Variants in PDIA3 observed in about 807,000 individuals in gnomAD.
The protein encoded by PDIA3 is protein disulfide isomerase family A member 3, also known as protein disulfide-isomerase A3.
PDIA3 carries 16 observed loss-of-function variants against 56.9 expected under a neutral mutation model. That is an observed-to-expected ratio of 0.28 (90% CI 0.19 to 0.43). The LOEUF is 0.43. PDIA3 is among the 20% of genes least tolerant of loss of function. The pLI, the probability that PDIA3 is intolerant of heterozygous loss-of-function variation, is 1.00. For missense variants in PDIA3, 485 were observed against 621.3 expected, an observed-to-expected ratio of 0.78 and a Z score of 2.33; for synonymous variants, 192 against 216.5, an observed-to-expected ratio of 0.89 and a Z score of 0.99.
intron 2 of PDIA3, 31 bp downstream of exon 2, chr15:43,753,933 C>A (rs200567293): frequency 6.9e-7 from 1 of 1,441,562 alleles, no homozygotes; most frequent in Non-Finnish European, 9.8e-7. Context: ...CACTAAAGGA[C>A]GTGAAGTATT....
Position 43,765,995 on chromosome 15 carries a change from C to T in PDIA3, c.828C>T (p.Ser276=). The T allele has an allele frequency of 6.2e-7, 1 of 1,613,416 alleles. No homozygotes were observed. The highest frequency in any genetic ancestry group is 1.1e-5 in the South Asian group (1 of 91,018). ...DVDYEKNAKG[S]NYWRNRVMMV... ...ACTATGAAAAGAACGCTAAAGGTTC[C>T]AACTACTGGAGAAACAGGTAATAAG... The change falls in exon 7 of 13, where the codon TCC becomes TCT. Residue 276 remains serine (S), a synonymous_variant. Transcript: ENST00000300289.
intron 2 of PDIA3, among the ~76,000 whole-genome samples, chr15:43,754,493 A>T (rs1342482179): frequency 3.3e-5 from 5 of 151,912 alleles, no homozygotes; most frequent in Admixed American, 3.3e-4. Flanking sequence ...CTGTAATTCC[A>T]GCACTTTGGG....
intron 1 of PDIA3, among the ~76,000 whole-genome samples, chr15:43,750,741 C>G (rs1047786680): frequency 4.6e-5 from 7 of 151,586 alleles, no homozygotes; most frequent in Non-Finnish European, 7.4e-5. Context: ...CGCCACTGCA[C>G]TCCAGCCTGG....
chr15:43,762,296 G>A (rs2086821159), intron 4 of PDIA3, among the ~76,000 whole-genome samples: 1 of 152,028 alleles, frequency 6.6e-6, no homozygotes. Flanking sequence ...CGGATCACCT[G>A]AGGTCGGGAG....
At position 43,771,952 on chromosome 15, in the gene PDIA3, C is replaced by T. The variant is rs2086884468; in HGVS notation, c.*734C>T. ...CTGAGCTTACTGCATGTTTATATCTCCCAAGGACTGTTCTCTGCTCAGAAA... is the reference window on the plus strand; with the variant it reads ...CTGAGCTTACTGCATGTTTATATCTTCCAAGGACTGTTCTCTGCTCAGAAA... On this transcript the variant is annotated 3_prime_UTR_variant, in exon 13 of 13. Transcript: ENST00000300289. 4.4e-6 allele frequency: 1 copy of T among 228,962 alleles called. No homozygotes were observed. The highest frequency in any genetic ancestry group is 8.4e-6 in the Non-Finnish European group (1 of 118,950). 14.2% of individuals were successfully genotyped at this position (228,962 alleles called of 1,614,324 possible). A position where few individuals can be genotyped will look rare whatever the true frequency, so the allele number is the denominator to read the frequency against.
In PDIA3 at chr15:43,756,874, T is replaced by G. The variant is rs1596020454; in HGVS notation, c.364+108T>G. ...CACAGTATACTTTCAGTCTTAAAAC[T>G]TCCTCATCTAAGAGGTCAGTTTGGT... On this transcript the variant is annotated intron_variant, in intron 3 of 12. Coordinates refer to ENST00000300289, the MANE Select transcript of PDIA3 (RefSeq NM_005313.5). 4 of 619,816 alleles carry G rather than the reference T, an allele frequency of 6.5e-6. No homozygotes were observed. In the East Asian group the frequency reaches 1.1e-4, roughly 17 times the overall value. The allele number at this position is 619,816 out of a possible 1,614,324, so 38.4% of individuals were successfully genotyped here.
Position 43,756,631 on chromosome 15 carries a change from G to GTGTATTT in PDIA3, c.247-15_247-9dup. On this transcript the variant is annotated splice_polypyrimidine_tract_variant and intron_variant, in intron 2 of 12. Transcript: ENST00000300289. ...AGAAACTTGGATAAGAAAATAGTTT[G>GTGTATTT]TGTATTTTGATCTTTAGGTTGATTG... 7.5e-7 allele frequency: 1 copy of GTGTATTT among 1,337,514 alleles called. No individual in the cohort carries two copies. Among genetic ancestry groups the GTGTATTT allele is most frequent in the Non-Finnish European group, 1.1e-6 (1 of 929,938 alleles). 82.9% of individuals were successfully genotyped at this position (1,337,514 alleles called of 1,614,324 possible). A position where few individuals can be genotyped will look rare whatever the true frequency, so the allele number is the denominator to read the frequency against.
intron 1 of PDIA3, among the ~76,000 whole-genome samples, chr15:43,749,897 A>C (rs1487351321): frequency 6.6e-6 from 1 of 152,088 alleles, no homozygotes; most frequent in Non-Finnish European, 1.5e-5. Flanking sequence ...CAGGAAGCTG[A>C]GATTGCACCA....
chr15:43,750,060 A>AGCTTGCTTT (rs112851722), intron 1 of PDIA3, among the ~76,000 whole-genome samples: 114,794 of 144,504 alleles, frequency 0.79, 46,036 homozygotes, highest in East Asian at 0.98. Flanking sequence ...GAAAGGTGAA[A>AGCTTGCTTT]GCTTGCTTTG....
chr15:43,771,057 A>G (rs1357645759), intron 12 of PDIA3, 48 bp from the exon 13 acceptor site: 1 of 1,273,726 alleles, frequency 7.9e-7, no homozygotes. Flanking sequence ...GGGGCAGATC[A>G]GGGTTCTTTA....
chr15:43,748,334 C>T (rs28502289), intron 1 of PDIA3, among the ~76,000 whole-genome samples: 24,505 of 151,886 alleles, frequency 0.16, 2,589 homozygotes, highest in African/African-American at 0.29. Flanking sequence ...CGAAATTAGC[C>T]GGGCATAGTG....
chr15:43,763,276 A>C, intron 5 of PDIA3, 70 bp downstream of exon 5: 1 of 1,532,508 alleles, frequency 6.5e-7, no homozygotes, highest in East Asian at 2.3e-5. Context: ...TGACTGGGAC[A>C]AGGTTTCACT....
intron 5 of PDIA3, among the ~76,000 whole-genome samples, chr15:43,764,497 C>T (rs1043548920): frequency 7.9e-5 from 12 of 152,206 alleles, no homozygotes; most frequent in East Asian, 5.8e-4. Context: ...GACAGAGTCT[C>T]GCCCTTGTTG....
At position 43,746,701 on chromosome 15, in the gene PDIA3, C is replaced by T. The variant is rs2411284; in HGVS notation, c.162C>T (p.Ala54=). The change falls in exon 1 of 13, where the codon GCC becomes GCT. Residue 54 remains alanine (A), a synonymous_variant. Transcript: ENST00000300289. ...SAGLMLVEFF[A]PWCGHCKRLA... Reference sequence around the variant, plus strand: ...GCCTCATGCTCGTCGAGTTCTTCGCCCCCTGGTGAGTCCATTCTGCCGAGG... The same window carrying T: ...GCCTCATGCTCGTCGAGTTCTTCGCTCCCTGGTGAGTCCATTCTGCCGAGG... 1,121,137 of 1,612,294 alleles carry T rather than the reference C, an allele frequency of 0.7. 398,635 individuals carry two copies. Among genetic ancestry groups the T allele is most frequent in the Non-Finnish European group, 0.72 (854,978 of 1,179,452 alleles).
Position 43,773,202 on chromosome 15 carries a change from TTTC to T in PDIA3, c.*1989_*1991del. ...TGGTGAAGGTACTCACAGCGACGCT[TTTC>T]TTCTCTGTAACTTGGGTACTGCTGC... On this transcript the variant is annotated 3_prime_UTR_variant, in exon 13 of 13. Coordinates refer to ENST00000300289, the MANE Select transcript of PDIA3 (RefSeq NM_005313.5). The T allele has an allele frequency of 6.2e-7, 1 of 1,613,958 alleles. No individual in the cohort carries two copies. Among genetic ancestry groups the T allele is most frequent in the Admixed American group, 1.7e-5 (1 of 59,936 alleles).
At position 43,746,958 on chromosome 15, in the gene PDIA3, C is replaced by A. The variant is rs2086711028; in HGVS notation, c.167+252C>A. ...CATCCTTATCTCGGTGCTCTTGTGG[C>A]ACTTCCTATTTGCAGAGGGTTTTGC... On this transcript the variant is annotated intron_variant, in intron 1 of 12. Transcript: ENST00000300289. 5 of 559,624 alleles carry A rather than the reference C, an allele frequency of 8.9e-6. No individual in the cohort carries two copies. In the South Asian group the frequency reaches 1.1e-4, roughly 12 times the overall value. The allele number at this position is 559,624 out of a possible 1,614,324, so 34.7% of individuals were successfully genotyped here. A position where few individuals can be genotyped will look rare whatever the true frequency, so the allele number is the denominator to read the frequency against.
In PDIA3 at chr15:43,772,995, T is replaced by G. The variant is rs1459616354; in HGVS notation, c.*1777T>G. The stretch of plus-strand genomic sequence containing the variant: ...CAAGAACCTAGAGCAGCTCTCTACT[T>G]GCCACCATGGACTCCAGTGGTCAGC... On this transcript the variant is annotated 3_prime_UTR_variant, in exon 13 of 13. Transcript: ENST00000300289. 1 of 941,102 alleles carries G rather than the reference T, an allele frequency of 1.1e-6. No individual in the cohort carries two copies. The highest frequency in any genetic ancestry group is 1.6e-6 in the Non-Finnish European group (1 of 620,088). 58.3% of individuals were successfully genotyped at this position (941,102 alleles called of 1,614,324 possible).
chr15:43,762,934 G>T, intron 4 of PDIA3, 143 bp from the exon 5 acceptor site: 1 of 683,956 alleles, frequency 1.5e-6, no homozygotes, highest in Non-Finnish European at 2.4e-6. Context: ...TATTGTGCCT[G>T]TCTGAGGTAG....
rs761395750 is a variant in PDIA3, at chr15:43,766,837, A to G, written c.955A>G (p.Thr319Ala). 3 of 1,613,780 alleles carry G rather than the reference A, an allele frequency of 1.9e-6. No homozygotes were observed. The highest frequency in any genetic ancestry group is 1.1e-5 in the South Asian group (1 of 91,080). ...HELSDFGLES[T>A]AGEIPVVAIR... is the part of the protein sequence containing the mutation. ...ACTTTCTGATTTTGGCTTGGAGAGC[A>G]CTGCTGGAGAGATTCCTGTTGTTGC... Residue 319 changes from threonine (T) to alanine (A), a missense_variant, in exon 8 of 13, where the codon ACT becomes GCT. Thr to Ala is a moderately conservative substitution (Grantham distance 58). Transcript: ENST00000300289.
Sources: gnomAD v4.1 joint callset for allele counts (sites outside exome capture counted in the v4.1 genomes callset) on GRCh38, gnomAD v4.1.1 for gene constraint, MANE v1.5 for transcripts, NCBI Gene and HGNC (gene_info 2026-07-23, HGNC 2026-07-21) for gene names.